The following KPNA3 variants were observed in gnomAD, a reference collection of about 807,000 sequenced individuals.
The protein encoded by KPNA3 is importin subunit alpha-4.
KPNA3 carries 13 observed loss-of-function variants against 73.8 expected under a neutral mutation model. The observed-to-expected ratio is 0.18, with a 90% CI of 0.11 to 0.28. The LOEUF is 0.28. KPNA3 is among the 10% of genes least tolerant of loss of function. KPNA3 has a pLI of 1.00. For missense variants in KPNA3, 360 were observed against 618.1 expected (o/e 0.58, Z 4.43); for synonymous variants, 186 against 206.9 (o/e 0.90, Z 0.87).
chr13:49,717,244 A>G (rs1341431336), intron 10 of KPNA3, among the ~76,000 whole-genome samples: 1 of 152,120 alleles, frequency 6.6e-6, no homozygotes, highest in Non-Finnish European at 1.5e-5. Flanking sequence ...GATAAACTTA[A>G]AACTCTTTAA....
chr13:49,779,656 G>A (rs1428380705), intron 1 of KPNA3, among the ~76,000 whole-genome samples: 6 of 152,030 alleles, frequency 3.9e-5, no homozygotes, highest in South Asian at 2.1e-4. Flanking sequence ...AAAAACAAAC[G>A]AACAGCCTTC....
At chr13:49,777,667 A>ATTTTTTTTTTT (rs146787105) in intron 1 of KPNA3, among the ~76,000 whole-genome samples, 1 of 141,356 alleles carries the variant, frequency 7.1e-6, no homozygotes. Flanking sequence ...CACCCAGATG[A>ATTTTTTTTTTT]TTTTTTTTTT....
chr13:49,721,837 A>G lies in KPNA3; in HGVS notation c.726+118T>C, dbSNP rs186522425. 4 of 682,674 alleles carry G rather than the reference A, an allele frequency of 5.9e-6. No individual in the cohort carries two copies. In the East Asian group the frequency reaches 1.2e-4, roughly 21 times the overall value. 42.3% of individuals were successfully genotyped at this position (682,674 alleles called of 1,614,324 possible). On this transcript the variant is annotated intron_variant, in intron 9 of 16. Coordinates refer to ENST00000261667, the MANE Select transcript of KPNA3 (RefSeq NM_002267.4). ...TCCGTTATCAAACAAACAAACAAAC[A>G]AAAAACTCACACCTGCAATGAAATC... is the stretch of plus-strand genomic sequence containing the variant.
At chr13:49,772,853 G>A (rs9526599) in intron 1 of KPNA3, among the ~76,000 whole-genome samples, 48,020 of 151,970 alleles carry the variant, frequency 0.32, 7,802 homozygotes, top group Middle Eastern at 0.38. Context: ...CAGCCACTCT[G>A]TTCCTAGGTA....
chr13:49,742,044 A>C (rs1954579063), intron 2 of KPNA3, among the ~76,000 whole-genome samples: 2 of 152,056 alleles, frequency 1.3e-5, no homozygotes, highest in Admixed American at 1.3e-4. Context: ...TTTGCATTTT[A>C]ATCTATTTTG....
intron 1 of KPNA3, among the ~76,000 whole-genome samples, chr13:49,782,683 AGCTTG>A (rs930207894): frequency 7.9e-5 from 12 of 152,246 alleles, no homozygotes; most frequent in African/African-American, 2.9e-4. Context: ...GTTTGAGACC[AGCTTG>A]GACAACACGG....
chr13:49,782,313 T>C (rs1416892519), intron 1 of KPNA3, among the ~76,000 whole-genome samples: 1 of 152,178 alleles, frequency 6.6e-6, no homozygotes, highest in East Asian at 1.9e-4. Flanking sequence ...TCATACTATT[T>C]TTCTTTCTGA....
intron 8 of KPNA3, 120 bp downstream of exon 8, chr13:49,722,357 T>C (rs989270041): frequency 1.3e-5 from 9 of 705,878 alleles, no homozygotes; most frequent in Middle Eastern, 2.4e-4. Flanking sequence ...TCAGTACTTA[T>C]GAGGCAAGAA....
At chr13:49,732,104 A>G (rs1381835788) in intron 6 of KPNA3, among the ~76,000 whole-genome samples, 3 of 152,260 alleles carry the variant, frequency 2.0e-5, no homozygotes, top group Non-Finnish European at 4.4e-5. Flanking sequence ...AATCCTAATA[A>G]AGACTATAAA....
chr13:49,755,579 G>A (rs1356593973), intron 1 of KPNA3, among the ~76,000 whole-genome samples: 2 of 151,868 alleles, frequency 1.3e-5, no homozygotes, highest in Admixed American at 6.6e-5. Flanking sequence ...GGCGGATCAC[G>A]AGGTCAAGAG....
intron 1 of KPNA3, among the ~76,000 whole-genome samples, chr13:49,770,004 C>T (rs1445242707): frequency 6.6e-6 from 1 of 152,046 alleles, no homozygotes; most frequent in Non-Finnish European, 1.5e-5. Flanking sequence ...AGCATCTTTT[C>T]ATGTGTTTGT....
intron 9 of KPNA3, among the ~76,000 whole-genome samples, chr13:49,721,605 GT>G (rs1954359230): frequency 6.6e-6 from 1 of 152,144 alleles, no homozygotes; most frequent in African/African-American, 2.4e-5. Context: ...AGATCACGAG[GT>G]CAGGAGGTCG....
intron 1 of KPNA3, 44 bp downstream of exon 1, chr13:49,792,394 G>A (rs2137615584): frequency 6.9e-7 from 1 of 1,454,920 alleles, no homozygotes; most frequent in Non-Finnish European, 9.2e-7. Context: ...CGCGTCGCCG[G>A]GCCGGCGCGG....
At chr13:49,729,543 G>C (rs1167646444) in intron 6 of KPNA3, among the ~76,000 whole-genome samples, 1 of 152,200 alleles carries the variant, frequency 6.6e-6, no homozygotes, top group Non-Finnish European at 1.5e-5. Context: ...CCAGCACTTT[G>C]AGAGGCCGAG....
chr13:49,778,580 T>G (rs983595081), intron 1 of KPNA3, among the ~76,000 whole-genome samples: 3 of 152,122 alleles, frequency 2.0e-5, no homozygotes, highest in African/African-American at 7.2e-5. Flanking sequence ...CACATGGGAG[T>G]TCAATATATT....
At chr13:49,760,685 T>TC (rs1407120752) in intron 1 of KPNA3, among the ~76,000 whole-genome samples, 1 of 152,140 alleles carries the variant, frequency 6.6e-6, no homozygotes, top group African/African-American at 2.4e-5. Context: ...ACTGAGCTCG[T>TC]CCCTCTTCTG....
chr13:49,706,247 T>C, intron 13 of KPNA3, 21 bp downstream of exon 13: 1 of 1,610,314 alleles, frequency 6.2e-7, no homozygotes, highest in Non-Finnish European at 8.5e-7. Context: ...ACAGACACGG[T>C]GAACTCATAA....
At chr13:49,711,534 G>A (rs1293025187) in intron 10 of KPNA3, among the ~76,000 whole-genome samples, 2 of 152,152 alleles carry the variant, frequency 1.3e-5, no homozygotes, top group African/African-American at 4.8e-5. Flanking sequence ...CTTCATCTGG[G>A]GAAAAAACTG....
At chr13:49,735,722 T>A (rs1954515967) in intron 2 of KPNA3, among the ~76,000 whole-genome samples, 1 of 152,176 alleles carries the variant, frequency 6.6e-6, no homozygotes. Context: ...CCTTTAAAAA[T>A]CCATTATTAA....
Sources: allele counts gnomAD v4.1 joint callset (sites outside exome capture counted in the v4.1 genomes callset), GRCh38; gene constraint gnomAD v4.1.1; transcripts MANE v1.5; gene names NCBI Gene and HGNC (gene_info 2026-07-23, HGNC 2026-07-21).